Variants in CDC42BPA observed in about 807,000 individuals in gnomAD.
The protein encoded by CDC42BPA is serine/threonine-protein kinase MRCK alpha.
Under a neutral mutation model 223.5 loss-of-function variants are expected in CDC42BPA, and 80 were observed. The ratio of observed to expected loss-of-function variants is 0.36; its 90% confidence interval spans 0.30 to 0.43. The LOEUF is 0.43. CDC42BPA is among the 20% of genes least tolerant of loss of function. The probability of loss-of-function intolerance (pLI) is 1.00; values close to 1 mark genes in which losing one functional copy is unlikely to be tolerated. For missense variants in CDC42BPA, 1,743 were observed against 2,099.9 expected (o/e 0.83, Z 3.32); for synonymous variants, 694 against 718.6 (o/e 0.97, Z 0.55).
Position 226,993,595 on chromosome 1 carries a change from T to C in CDC42BPA, c.*673A>G, listed in dbSNP as rs1226502153. 2 of 152,688 alleles carry C rather than the reference T, an allele frequency of 1.3e-5. No individual in the cohort carries two copies. The highest frequency in any genetic ancestry group is 4.8e-5 in the African/African-American group (2 of 41,462). The allele number at this position is 152,688 out of a possible 1,614,324, so 9.5% of individuals were successfully genotyped here. On this transcript the variant is annotated 3_prime_UTR_variant, in exon 37 of 37. Transcript: ENST00000366766. ...ATGTGAGCTTGAGGCCTTTCCACCC[T>C]TTACATTACATTACAGACAAGAAAC...
chr1:227,020,259 G>A (rs1168133775), intron 32 of CDC42BPA, among the ~76,000 whole-genome samples: 1 of 152,160 alleles, frequency 6.6e-6, no homozygotes, highest in South Asian at 2.1e-4. Context: ...TGGCTTCAAC[G>A]TAAAGCCACA....
At chr1:227,308,023 T>C (rs1296015757) in intron 1 of CDC42BPA, among the ~76,000 whole-genome samples, 1 of 152,202 alleles carries the variant, frequency 6.6e-6, no homozygotes, top group African/African-American at 2.4e-5. Context: ...TCCTGTAAGA[T>C]TTTTTTGCAT....
intron 16 of CDC42BPA, among the ~76,000 whole-genome samples, chr1:227,089,190 T>G (rs547171451): frequency 6.6e-5 from 10 of 152,356 alleles, no homozygotes; most frequent in African/African-American, 2.4e-4. Flanking sequence ...TTCTGACTTC[T>G]AGATCTGTAA....
chr1:227,130,816 C>T (rs1402699227), intron 10 of CDC42BPA, among the ~76,000 whole-genome samples: 1 of 152,142 alleles, frequency 6.6e-6, no homozygotes, highest in Non-Finnish European at 1.5e-5. Context: ...GATCATGCCA[C>T]TACACCCAGC....
Position 227,025,474 on chromosome 1 carries a change from CATCT to C in CDC42BPA, c.4530+577_4530+580del, listed in dbSNP as rs201648657. Among the ~76,000 whole-genome samples the C allele has an allele frequency of 8.0e-4, 122 of 152,270 alleles. 1 individual carries two copies. In the East Asian group the frequency reaches 0.022, roughly 28 times the overall value. ...AATCATACATGCTATATATATATCACATCTATCTATATGAAACTATTGCTCTTCA... is the reference window on the plus strand; with the variant it reads ...AATCATACATGCTATATATATATCACATCTATATGAAACTATTGCTCTTCA... On this transcript the variant is annotated intron_variant, in intron 31 of 36. Coordinates refer to ENST00000366766, the MANE Select transcript of CDC42BPA (RefSeq NM_001394014.1).
Position 227,073,958 on chromosome 1 carries a change from C to T in CDC42BPA, c.2641G>A (p.Glu881Lys). Residue 881 changes from glutamate (E) to lysine (K), a missense_variant, in exon 19 of 37, where the codon GAG becomes AAG. Around this residue, in one of 6 missense-constraint regions of CDC42BPA, gnomAD observed 36 missense variants for 71.9 expected, o/e 0.50. Transcript: ENST00000366766. ...FAKLDMSARL[E>K]LQSALDAEIR... The stretch of plus-strand genomic sequence containing the variant: ...TCTGCATCCAGAGCCGACTGCAACT[C>T]CAGTCTAGCTGACATATCCAGTTTC... 6.2e-7 allele frequency: 1 copy of T among 1,612,688 alleles called. No individual in the cohort carries two copies. The highest frequency in any genetic ancestry group is 8.5e-7 in the Non-Finnish European group (1 of 1,179,556).
intron 15 of CDC42BPA, among the ~76,000 whole-genome samples, chr1:227,100,765 TGTGTGTGTGTGTGC>T (rs1436889615): frequency 6.8e-6 from 1 of 147,022 alleles, no homozygotes; most frequent in Admixed American, 7.0e-5. Context: ...TGTGTGTGTG[TGTGTGTGTGTGTGC>T]GTGTGCCATC....
chr1:227,012,351 T>C (rs1476407326), intron 34 of CDC42BPA, among the ~76,000 whole-genome samples: 1 of 152,180 alleles, frequency 6.6e-6, no homozygotes, highest in Non-Finnish European at 1.5e-5. Flanking sequence ...AAAATGAATA[T>C]AGCATCTATT....
chr1:227,100,777 T>TGTGCGCGC (rs777124731), intron 15 of CDC42BPA, among the ~76,000 whole-genome samples: 3 of 128,510 alleles, frequency 2.3e-5, no homozygotes, highest in Non-Finnish European at 3.3e-5. Flanking sequence ...TGTGTGTGTG[T>TGTGCGCGC]GCGTGTGCCA....
intron 2 of CDC42BPA, among the ~76,000 whole-genome samples, chr1:227,232,578 T>G (rs1048554355): frequency 6.6e-6 from 1 of 152,216 alleles, no homozygotes; most frequent in South Asian, 2.1e-4. Flanking sequence ...GATGGTGATG[T>G]ACAGATGGGG....
chr1:227,133,996 T>TAAATAAATAAATAAATAAATAAATAAAA (rs1167807097), intron 10 of CDC42BPA, among the ~76,000 whole-genome samples: 1 of 151,564 alleles, frequency 6.6e-6, no homozygotes, highest in African/African-American at 2.4e-5. Flanking sequence ...AATAAATAAA[T>TAAATAAATAAATAAATAAATAAATAAAA]AAAAAAGAAA....
intron 3 of CDC42BPA, among the ~76,000 whole-genome samples, chr1:227,200,480 C>CA (rs1309411034): frequency 2.7e-5 from 4 of 145,766 alleles, no homozygotes; most frequent in Middle Eastern, 3.5e-3. Flanking sequence ...AAAACAAAAA[C>CA]AAAAAAAATC....
intron 5 of CDC42BPA, among the ~76,000 whole-genome samples, chr1:227,180,186 A>G (rs946006706): frequency 2.6e-5 from 4 of 152,186 alleles, no homozygotes; most frequent in African/African-American, 7.2e-5. Context: ...AGCCTGGGTG[A>G]CAGAGTGAGA....
At chr1:227,054,018 C>G (rs1674062641) in intron 21 of CDC42BPA, among the ~76,000 whole-genome samples, 1 of 152,148 alleles carries the variant, frequency 6.6e-6, no homozygotes, top group Non-Finnish European at 1.5e-5. Flanking sequence ...CCAGTAAGAA[C>G]TTAAAACTGA....
At chr1:227,136,767 C>T in intron 10 of CDC42BPA, among the ~76,000 whole-genome samples, 1 of 152,288 alleles carries the variant, frequency 6.6e-6, no homozygotes, top group Admixed American at 6.5e-5. Flanking sequence ...AAAGAAAAAG[C>T]TGCCAAGCTA....
In CDC42BPA at chr1:227,313,766, G is replaced by C. The variant is rs537370261; in HGVS notation, c.178+3239C>G. Among the ~76,000 whole-genome samples, 4 of 151,634 alleles carry C rather than the reference G, an allele frequency of 2.6e-5. No homozygotes were observed. The East Asian group carries it at 7.7e-4, about 29-fold the overall frequency. ...TTAACACTCGTGTCATAAAAAAAAA[G>C]TGAACAGCTTTAAAACTATACTAAT... On this transcript the variant is annotated intron_variant, in intron 1 of 36. Coordinates refer to ENST00000366766, the MANE Select transcript of CDC42BPA (RefSeq NM_001394014.1).
chr1:227,207,038 G>A (rs548343564), intron 3 of CDC42BPA, among the ~76,000 whole-genome samples: 25 of 149,022 alleles, frequency 1.7e-4, no homozygotes, highest in Non-Finnish European at 3.3e-4. Context: ...CCATTAACTC[G>A]TCATTTAGCA....
chr1:227,108,229 C>T (rs1359454401), intron 14 of CDC42BPA, among the ~76,000 whole-genome samples: 2 of 152,144 alleles, frequency 1.3e-5, no homozygotes, highest in African/African-American at 4.8e-5. Context: ...CCTTTTAATA[C>T]AGGCATTTAT....
Position 227,213,111 on chromosome 1 carries a change from A to G in CDC42BPA, c.354+25T>C, listed in dbSNP as rs778625513. On this transcript the variant is annotated intron_variant, in intron 3 of 36. Coordinates refer to ENST00000366766, the MANE Select transcript of CDC42BPA (RefSeq NM_001394014.1). ...TGAAAAATATTTCTAAAATATTTAT[A>G]TATTCCAATACATAAGACTCTTACC... 17 of 1,061,966 alleles carry G rather than the reference A, an allele frequency of 1.6e-5. No individual in the cohort carries two copies. In the African/African-American group the frequency reaches 2.3e-4, roughly 14 times the overall value. 65.8% of individuals were successfully genotyped at this position (1,061,966 alleles called of 1,614,324 possible).
Sources: gnomAD v4.1 joint callset for allele counts (sites outside exome capture counted in the v4.1 genomes callset) on GRCh38, gnomAD v4.1.1 for gene constraint, gnomAD v4.1.1 regional missense constraint, MANE v1.5 for transcripts, NCBI Gene and HGNC (gene_info 2026-07-23, HGNC 2026-07-21) for gene names.